CFAP299: variants seen among roughly 807,000 people sequenced by gnomAD.
CFAP299 encodes cilia and flagella associated protein 299.
In CFAP299, 21 loss-of-function variants were observed where a neutral mutation model predicts 27.0. The observed-to-expected ratio is 0.78, with a 90% CI of 0.55 to 1.12. The LOEUF (loss-of-function observed/expected upper bound fraction) is 1.12. Ranked by LOEUF, CFAP299 falls within the 50% of genes most tolerant of loss-of-function variation. The probability of loss-of-function intolerance (pLI) is 0.00; values close to 1 mark genes in which losing one functional copy is unlikely to be tolerated. For synonymous variants in CFAP299, 104 were observed against 98.1 expected (o/e 1.06, Z -0.36); for missense variants, 310 against 276.6 (o/e 1.12, Z -0.86).
intron 3 of CFAP299, among the ~76,000 whole-genome samples, chr4:80,624,910 G>T (rs1738803933): frequency 6.6e-6 from 1 of 152,036 alleles, no homozygotes; most frequent in Non-Finnish European, 1.5e-5. Context: ...AGAAATGAAG[G>T]AGGAATAAAG....
At chr4:80,417,942 G>A (rs11099226) in intron 2 of CFAP299, among the ~76,000 whole-genome samples, 15,055 of 152,142 alleles carry the variant, frequency 0.099, 1,013 homozygotes, top group Middle Eastern at 0.17. Context: ...AGCAGACACA[G>A]CCTTCAGCAG....
rs540038691 is a variant in CFAP299 at position 80,628,390 on chromosome 4, A to G, written c.333+45207A>G. 2.5e-4 allele frequency among the ~76,000 whole-genome samples: 38 copies of G among 152,240 alleles called. No individual in the cohort carries two copies. The East Asian group carries it at 4.4e-3, about 18-fold the overall frequency. On this transcript the variant is annotated intron_variant, in intron 3 of 5. Coordinates refer to ENST00000358105, the MANE Select transcript of CFAP299 (RefSeq NM_152770.3). ...AAAACTATGAAACTACTAGAATAAA[A>G]CTTAGGAGAAAAACTATGACATTTA...
At chr4:80,774,978 C>T (rs1056056201) in intron 3 of CFAP299, among the ~76,000 whole-genome samples, 3 of 151,220 alleles carry the variant, frequency 2.0e-5, no homozygotes, top group Admixed American at 1.3e-4. Flanking sequence ...GTGGGTGCAG[C>T]GCACCAGCAT....
At chr4:80,606,864 T>G (rs1737705951) in intron 3 of CFAP299, among the ~76,000 whole-genome samples, 1 of 152,238 alleles carries the variant, frequency 6.6e-6, no homozygotes, top group South Asian at 2.1e-4. Context: ...ACTAAGATTT[T>G]TATTTTTCTT....
intron 2 of CFAP299, among the ~76,000 whole-genome samples, chr4:80,401,112 AG>A (rs1726130306): frequency 6.6e-6 from 1 of 152,206 alleles, no homozygotes; most frequent in Non-Finnish European, 1.5e-5. Context: ...GTACTATTAA[AG>A]GCATTCAGTT....
intron 2 of CFAP299, among the ~76,000 whole-genome samples, chr4:80,448,048 T>A (rs1578455473): frequency 6.6e-6 from 1 of 152,220 alleles, no homozygotes; most frequent in South Asian, 2.1e-4. Context: ...CAGTCAGCAA[T>A]CTGTAGAACA....
chr4:80,924,538 G>GTATATA (rs1553906748), intron 4 of CFAP299, among the ~76,000 whole-genome samples: 47 of 131,692 alleles, frequency 3.6e-4, no homozygotes, highest in African/African-American at 7.5e-4. Flanking sequence ...GTGTGTGTGT[G>GTATATA]TATATATATA....
At chr4:80,771,397 T>C (rs917936772) in intron 3 of CFAP299, among the ~76,000 whole-genome samples, 3 of 152,206 alleles carry the variant, frequency 2.0e-5, no homozygotes, top group African/African-American at 7.2e-5. Flanking sequence ...CATATATAGA[T>C]ATTAATTACA....
intron 3 of CFAP299, among the ~76,000 whole-genome samples, chr4:80,808,249 G>C (rs984790011): frequency 2.6e-5 from 4 of 152,028 alleles, no homozygotes; most frequent in African/African-American, 9.7e-5. Context: ...ACAAAACCAT[G>C]TTTATTCAGT....
At chr4:80,493,302 G>A (rs1731239282) in intron 2 of CFAP299, among the ~76,000 whole-genome samples, 1 of 152,206 alleles carries the variant, frequency 6.6e-6, no homozygotes, top group South Asian at 2.1e-4. Flanking sequence ...GATGGTGGGT[G>A]CACATTTGGA....
chr4:80,754,724 T>C (rs1725136934), intron 3 of CFAP299, among the ~76,000 whole-genome samples: 1 of 152,122 alleles, frequency 6.6e-6, no homozygotes, highest in Admixed American at 6.5e-5. Flanking sequence ...TCTCTTGCTA[T>C]CTCACACCTG....
chr4:80,387,112 T>C (rs1479596356), intron 2 of CFAP299: 1 of 1,441,776 alleles, frequency 6.9e-7, no homozygotes, highest in East Asian at 2.3e-5. Flanking sequence ...GCCTCTGGGG[T>C]GGATATTTGT....
chr4:80,382,108 GC>G (rs1724729762), intron 2 of CFAP299, among the ~76,000 whole-genome samples: 1 of 152,108 alleles, frequency 6.6e-6, no homozygotes, highest in South Asian at 2.1e-4. Context: ...CTAGCCATAG[GC>G]AAAAGATTGA....
At chr4:80,959,687 T>A (rs146447180) in intron 5 of CFAP299, among the ~76,000 whole-genome samples, 1 of 152,056 alleles carries the variant, frequency 6.6e-6, no homozygotes, top group East Asian at 1.9e-4. Context: ...TTTGCAAAGG[T>A]AAAGGAATAA....
At chr4:80,356,567 A>G (rs1723289596) in intron 1 of CFAP299, among the ~76,000 whole-genome samples, 2 of 151,920 alleles carry the variant, frequency 1.3e-5, no homozygotes, top group South Asian at 4.1e-4. Context: ...TGTTAGCTGT[A>G]TTCCTATGTG....
intron 3 of CFAP299, among the ~76,000 whole-genome samples, chr4:80,585,385 C>G (rs1736381913): frequency 6.6e-6 from 1 of 152,142 alleles, no homozygotes; most frequent in East Asian, 1.9e-4. Context: ...GAACTCTACT[C>G]CAAAGTTTAC....
At chr4:80,909,420 T>C (rs1735357933) in intron 4 of CFAP299, among the ~76,000 whole-genome samples, 1 of 152,044 alleles carries the variant, frequency 6.6e-6, no homozygotes, top group Non-Finnish European at 1.5e-5. Context: ...TAAGCAGATA[T>C]GAGAAATAAA....
chr4:80,642,514 C>T (rs988213208), intron 3 of CFAP299, among the ~76,000 whole-genome samples: 4 of 152,180 alleles, frequency 2.6e-5, no homozygotes, highest in South Asian at 2.1e-4. Context: ...GCCCATAATC[C>T]TAGCACTTTG....
At position 80,436,934 on chromosome 4, in the gene CFAP299, T is replaced by TA. The variant is rs1273023866; in HGVS notation, c.242+74056dup. On this transcript the variant is annotated intron_variant, in intron 2 of 5. Transcript: ENST00000358105. The stretch of plus-strand genomic sequence containing the variant: ...CAATAATATTAAAATCAAAGTGGCA[T>TA]AAAAAATAAGCATTTATTTTTTACT... Among the ~76,000 whole-genome samples the TA allele has an allele frequency of 5.9e-5, 9 of 152,304 alleles. No individual in the cohort carries two copies. In the East Asian group the frequency reaches 1.7e-3, roughly 29 times the overall value.
Sources: allele counts gnomAD v4.1 joint callset (sites outside exome capture counted in the v4.1 genomes callset), GRCh38; gene constraint gnomAD v4.1.1; transcripts MANE v1.5; gene names NCBI Gene and HGNC (gene_info 2026-07-23, HGNC 2026-07-21).